The following CLDN23 variants were observed in gnomAD, a reference collection of about 807,000 sequenced individuals.
The protein encoded by CLDN23 is claudin 23.
Under a neutral mutation model 1.4 loss-of-function variants are expected in CLDN23, and 3 were observed. That is an observed-to-expected ratio of 2.10 (90% confidence interval 0.96 to 5.43). The LOEUF (loss-of-function observed/expected upper bound fraction) is 5.43. Among genes scored for constraint, CLDN23 ranks in the 30% most tolerant of loss-of-function variants. CLDN23 has a pLI of 0.02. For synonymous variants in CLDN23, 291 were observed against 209.9 expected, an observed-to-expected ratio of 1.39 and a Z score of -3.34; for missense variants, 597 against 433.5, an observed-to-expected ratio of 1.38 and a Z score of -3.35.
At position 8,703,331 on chromosome 8, in the gene CLDN23, G is replaced by C; in HGVS notation, c.*54G>C. On this transcript the variant is annotated 3_prime_UTR_variant, in exon 1 of 1. Coordinates refer to ENST00000519106, the MANE Select transcript of CLDN23 (RefSeq NM_194284.3). ...TGGCAAAGGACTCACCCCCGCACAG[G>C]CCCGCCTGGCTTCGAGTTGGAACCC... The C allele has an allele frequency of 7.7e-7, 1 of 1,304,470 alleles. No individual in the cohort carries two copies. Among genetic ancestry groups the C allele is most frequent in the Non-Finnish European group, 9.8e-7 (1 of 1,019,348 alleles). 80.8% of individuals were successfully genotyped at this position (1,304,470 alleles called of 1,614,324 possible).
rs1214840980 is a variant in CLDN23 at position 8,703,864 on chromosome 8, T to C, written c.*587T>C. The C allele has an allele frequency of 6.2e-6, 1 of 162,554 alleles. No homozygotes were observed. The highest frequency in any genetic ancestry group is 2.4e-5 in the African/African-American group (1 of 40,860). 10.1% of individuals were successfully genotyped at this position (162,554 alleles called of 1,614,324 possible). ...TACATATCATTGCATAAATGGGATT[T>C]ATCTTTTTTCTCACTTATTTTTGCG... On this transcript the variant is annotated 3_prime_UTR_variant, in exon 1 of 1. Transcript: ENST00000519106.
Position 8,702,490 on chromosome 8 carries a change from G to T in CLDN23, c.92G>T (p.Arg31Leu). The T allele has an allele frequency of 1.2e-6, 2 of 1,607,194 alleles. No individual in the cohort carries two copies. Among genetic ancestry groups the T allele is most frequent in the Non-Finnish European group, 1.7e-6 (2 of 1,177,956 alleles). ...NLTGTLAPGW[R>L]LVKGFLNQPV... ...ACCGGCACCCTGGCGCCCGGCTGGC[G>T]GCTGGTGAAGGGCTTCCTGAACCAG... The change falls in exon 1 of 1, where the codon CGG (arginine) becomes CTG (leucine). Residue 31 changes from arginine to leucine, a missense_variant. Physicochemically the swap from Arg to Leu is moderately radical, Grantham distance 102. Coordinates refer to ENST00000519106, the MANE Select transcript of CLDN23 (RefSeq NM_194284.3).
rs1435684782 is a variant in CLDN23 at position 8,703,411 on chromosome 8, A to G, written c.*134A>G. ...AAATCTGCCTTTCGTGGGACCAAACAGGACTCCTTGGACGATTAGTTCAGG... is the reference window on the plus strand; with the variant it reads ...AAATCTGCCTTTCGTGGGACCAAACGGGACTCCTTGGACGATTAGTTCAGG... On this transcript the variant is annotated 3_prime_UTR_variant, in exon 1 of 1. Transcript: ENST00000519106. 2.3e-6 allele frequency: 2 copies of G among 861,328 alleles called. No homozygotes were observed. The highest frequency in any genetic ancestry group is 3.3e-4 in the Middle Eastern group (1 of 3,066). 53.4% of individuals were successfully genotyped at this position (861,328 alleles called of 1,614,324 possible).
In CLDN23 at chr8:8,702,236, C is replaced by G; in HGVS notation, c.-163C>G. ...CCCGTGCAGGAGACAAAGAGCGTCC[C>G]TGGAGCGATCAGGGCTCAGGAGCCC... On this transcript the variant is annotated 5_prime_UTR_variant, in exon 1 of 1. Coordinates refer to ENST00000519106, the MANE Select transcript of CLDN23 (RefSeq NM_194284.3). 1 of 682,478 alleles carries G rather than the reference C, an allele frequency of 1.5e-6. No individual in the cohort carries two copies. Among genetic ancestry groups the G allele is most frequent in the Non-Finnish European group, 2.3e-6 (1 of 430,432 alleles). The allele number at this position is 682,478 out of a possible 1,614,324, so 42.3% of individuals were successfully genotyped here. A position where few individuals can be genotyped will look rare whatever the true frequency, so the allele number is the denominator to read the frequency against.
chr8:8,703,069 A>G lies in CLDN23; in HGVS notation c.671A>G (p.Tyr224Cys). 6.5e-7 allele frequency: 1 copy of G among 1,536,210 alleles called. No homozygotes were observed. Among genetic ancestry groups the G allele is most frequent in the African/African-American group, 1.4e-5 (1 of 71,954 alleles). Reference protein sequence around the residue: ...EPDLAPAIKYYSDGQHRPPPA... With the variant: ...EPDLAPAIKYCSDGQHRPPPA... ...GACCTGGCGCCCGCCATCAAGTACT[A>G]CAGCGACGGCCAGCACCGACCGCCG... is the stretch of plus-strand genomic sequence containing the variant. The change falls in exon 1 of 1, where the codon TAC (tyrosine) becomes TGC (cysteine). Residue 224 changes from tyrosine (Y) to cysteine (C), a missense_variant. Transcript: ENST00000519106.
At position 8,702,311 on chromosome 8, in the gene CLDN23, G is replaced by C; in HGVS notation, c.-88G>C. 4 of 1,396,376 alleles carry C rather than the reference G, an allele frequency of 2.9e-6. No individual in the cohort carries two copies. The highest frequency in any genetic ancestry group is 1.5e-5 in the South Asian group (1 of 65,256). 86.5% of individuals were successfully genotyped at this position (1,396,376 alleles called of 1,614,324 possible). A position where few individuals can be genotyped will look rare whatever the true frequency, so the allele number is the denominator to read the frequency against. ...CTGACTTCGGGTCCCCGGAGCCTGG[G>C]GCACGGCAGGGAGAAGACGACGGCG... On this transcript the variant is annotated 5_prime_UTR_variant, in exon 1 of 1. Coordinates refer to ENST00000519106, the MANE Select transcript of CLDN23 (RefSeq NM_194284.3).
rs1169887396 is a variant in CLDN23 at position 8,702,344 on chromosome 8, C to A, written c.-55C>A. ...AGGGAGAAGACGACGGCGGAGAAGG[C>A]GACAGCGGAGAAGGAAGGCAGGCTG... On this transcript the variant is annotated 5_prime_UTR_variant, in exon 1 of 1. Transcript: ENST00000519106. 3 of 1,461,040 alleles carry A rather than the reference C, an allele frequency of 2.1e-6. No individual in the cohort carries two copies. The highest frequency in any genetic ancestry group is 2.7e-6 in the Non-Finnish European group (3 of 1,111,848). The allele number at this position is 1,461,040 out of a possible 1,614,324, so 90.5% of individuals were successfully genotyped here.
chr8:8,703,250 C>T lies in CLDN23; in HGVS notation c.852C>T (p.Ser284=). Residue 284 remains serine, a synonymous_variant, in exon 1 of 1, where the codon AGC becomes AGT. Transcript: ENST00000519106. ...CGTGCAGCACCCACCCCTGCGACAGCTCGCTGCCCTGCGACTCCGACCTCT... is the reference window on the plus strand; with the variant it reads ...CGTGCAGCACCCACCCCTGCGACAGTTCGCTGCCCTGCGACTCCGACCTCT... ...APSCSTHPCD[S]SLPCDSDL is the part of the protein sequence containing the mutation. 1 of 1,410,722 alleles carries T rather than the reference C, an allele frequency of 7.1e-7. No homozygotes were observed. The allele number at this position is 1,410,722 out of a possible 1,614,324, so 87.4% of individuals were successfully genotyped here. A position where few individuals can be genotyped will look rare whatever the true frequency, so the allele number is the denominator to read the frequency against.
rs11249882 is a variant in CLDN23 at position 8,704,026 on chromosome 8, T to G, written c.*749T>G. 1 of 166,700 alleles carries G rather than the reference T, an allele frequency of 6.0e-6. No individual in the cohort carries two copies. The highest frequency in any genetic ancestry group is 1.5e-5 in the Non-Finnish European group (1 of 68,092). The allele number at this position is 166,700 out of a possible 1,614,324, so 10.3% of individuals were successfully genotyped here. ...TCTAGGTTTAACATTTTGTACAAAA[T>G]GGAACCTGTTAATCATATTAAAGCA... On this transcript the variant is annotated 3_prime_UTR_variant, in exon 1 of 1. Coordinates refer to ENST00000519106, the MANE Select transcript of CLDN23 (RefSeq NM_194284.3).
chr8:8,702,550 A>G lies in CLDN23; in HGVS notation c.152A>G (p.Asp51Gly), dbSNP rs1410833101. The change falls in exon 1 of 1, where the codon GAC (aspartate) becomes GGC (glycine). Residue 51 changes from aspartate to glycine, a missense_variant. Asp to Gly is a moderately conservative substitution (Grantham distance 94, BLOSUM62 -1). Coordinates refer to ENST00000519106, the MANE Select transcript of CLDN23 (RefSeq NM_194284.3). ...VDVELYQGLWDMCREQSSRER... is the reference protein window; with the variant it reads ...VDVELYQGLWGMCREQSSRER... ...GTGGAGTTGTACCAGGGCCTGTGGG[A>G]CATGTGTCGCGAGCAGAGCAGCCGC... 3 of 1,611,648 alleles carry G rather than the reference A, an allele frequency of 1.9e-6. No individual in the cohort carries two copies. The Admixed American group carries it at 5.0e-5, about 27-fold the overall frequency.
Position 8,703,080 on chromosome 8 carries a change from C to T in CLDN23, c.682C>T (p.Gln228Ter). 2.0e-6 allele frequency: 3 copies of T among 1,534,342 alleles called. No individual in the cohort carries two copies. The South Asian group carries it at 3.6e-5, about 19-fold the overall frequency. ...CGCCATCAAGTACTACAGCGACGGC[C>T]AGCACCGACCGCCGCCTGCCCAGCA... is the stretch of plus-strand genomic sequence containing the variant. ...APAIKYYSDG[Q>*]HRPPPAQHRK... Residue 228 changes from glutamine (Q) to a stop codon, truncating the protein, a stop_gained, in exon 1 of 1, where the codon CAG (glutamine) becomes TAG (stop). Transcript: ENST00000519106. LOFTEE classifies it low-confidence loss of function (END_TRUNC).
chr8:8,702,694 C>T lies in CLDN23; in HGVS notation c.296C>T (p.Ser99Leu), dbSNP rs1025574129. Reference sequence around the variant, plus strand: ...ACGGTCCTGGGGCTTCTGCTGGCGTCGCTGGGCGTGCGCTGCTGGCAGGAC... The same window carrying T: ...ACGGTCCTGGGGCTTCTGCTGGCGTTGCTGGGCGTGCGCTGCTGGCAGGAC... ...AATVLGLLLA[S>L]LGVRCWQDEP... The change falls in exon 1 of 1, where the codon TCG (serine) becomes TTG (leucine). Residue 99 changes from serine to leucine, a missense_variant. By Grantham distance (145) the Ser-to-Leu change is moderately radical. Transcript: ENST00000519106. The T allele has an allele frequency of 1.0e-5, 16 of 1,606,638 alleles. No homozygotes were observed. Among genetic ancestry groups the T allele is most frequent in the African/African-American group, 1.3e-5 (1 of 75,012 alleles).
At position 8,702,929 on chromosome 8, in the gene CLDN23, G is replaced by T; in HGVS notation, c.531G>T (p.Leu177=). 4.5e-6 allele frequency: 7 copies of T among 1,570,044 alleles called. No individual in the cohort carries two copies. The East Asian group carries it at 6.8e-5, about 15-fold the overall frequency. Residue 177 remains leucine (L), a synonymous_variant, in exon 1 of 1, where the codon CTG becomes CTT. Coordinates refer to ENST00000519106, the MANE Select transcript of CLDN23 (RefSeq NM_194284.3). ...SCLLLLGGFS[L]ALSFAPWCDE... is the part of the protein sequence containing the mutation. ...TCCTGCTGCTGGGCGGCTTCTCGCT[G>T]GCGCTCAGCTTCGCGCCCTGGTGCG...
chr8:8,702,575 C>G lies in CLDN23; in HGVS notation c.177C>G (p.Arg59=). The G allele has an allele frequency of 6.2e-7, 1 of 1,610,008 alleles. No homozygotes were observed. Among genetic ancestry groups the G allele is most frequent in the Non-Finnish European group, 8.5e-7 (1 of 1,178,110 alleles). ...ACATGTGTCGCGAGCAGAGCAGCCGCGAGCGCGAGTGCGGCCAGACGGACC... is the reference window on the plus strand; with the variant it reads ...ACATGTGTCGCGAGCAGAGCAGCCGGGAGCGCGAGTGCGGCCAGACGGACC... ...LWDMCREQSS[R]ERECGQTDQW... Residue 59 remains arginine (R), a synonymous_variant, in exon 1 of 1, where the codon CGC becomes CGG. Coordinates refer to ENST00000519106, the MANE Select transcript of CLDN23 (RefSeq NM_194284.3).
chr8:8,702,067 T>G lies in CLDN23; in HGVS notation c.-332T>G. The stretch of plus-strand genomic sequence containing the variant: ...CGGGTCCCTCCCTCCCGGGCCAGGT[T>G]TGGCCGCGGCAGCCGCCCCTGGGCG... On this transcript the variant is annotated 5_prime_UTR_variant, in exon 1 of 1. Coordinates refer to ENST00000519106, the MANE Select transcript of CLDN23 (RefSeq NM_194284.3). 2 of 220,248 alleles carry G rather than the reference T, an allele frequency of 9.1e-6. No homozygotes were observed. Among genetic ancestry groups the G allele is most frequent in the Non-Finnish European group, 1.8e-5 (2 of 112,914 alleles). The allele number at this position is 220,248 out of a possible 1,614,324, so 13.6% of individuals were successfully genotyped here. A position where few individuals can be genotyped will look rare whatever the true frequency, so the allele number is the denominator to read the frequency against.
In CLDN23 at chr8:8,702,359, A is replaced by C. The variant is rs114568694; in HGVS notation, c.-40A>C. ...GCGGAGAAGGCGACAGCGGAGAAGGAAGGCAGGCTGCAGGGGCGCCGTCGG... is the reference window on the plus strand; with the variant it reads ...GCGGAGAAGGCGACAGCGGAGAAGGCAGGCAGGCTGCAGGGGCGCCGTCGG... On this transcript the variant is annotated 5_prime_UTR_variant, in exon 1 of 1. Transcript: ENST00000519106. The C allele has an allele frequency of 1.3e-3, 1,866 of 1,476,352 alleles. 15 individuals carry two copies. The African/African-American group carries it at 0.023, about 18-fold the overall frequency. 91.5% of individuals were successfully genotyped at this position (1,476,352 alleles called of 1,614,324 possible). A position where few individuals can be genotyped will look rare whatever the true frequency, so the allele number is the denominator to read the frequency against.
chr8:8,702,572 C>A lies in CLDN23; in HGVS notation c.174C>A (p.Ser58Arg). 1 of 1,610,252 alleles carries A rather than the reference C, an allele frequency of 6.2e-7. No homozygotes were observed. The highest frequency in any genetic ancestry group is 8.5e-7 in the Non-Finnish European group (1 of 1,178,254). The change falls in exon 1 of 1, where the codon AGC becomes AGA. Residue 58 changes from serine to arginine, a missense_variant. Physicochemically the swap from Ser to Arg is moderately radical, Grantham distance 110. Coordinates refer to ENST00000519106, the MANE Select transcript of CLDN23 (RefSeq NM_194284.3). ...GGGACATGTGTCGCGAGCAGAGCAGCCGCGAGCGCGAGTGCGGCCAGACGG... is the reference window on the plus strand; with the variant it reads ...GGGACATGTGTCGCGAGCAGAGCAGACGCGAGCGCGAGTGCGGCCAGACGG... ...GLWDMCREQS[S>R]RERECGQTDQ...
Position 8,703,174 on chromosome 8 carries a change from A to G in CLDN23, c.776A>G (p.Asn259Ser), listed in dbSNP as rs766972353. 4.0e-5 allele frequency: 61 copies of G among 1,510,584 alleles called. No individual in the cohort carries two copies. The highest frequency in any genetic ancestry group is 2.6e-5 in the East Asian group (1 of 38,808). The allele number at this position is 1,510,584 out of a possible 1,614,324, so 93.6% of individuals were successfully genotyped here. Residue 259 changes from asparagine (N) to serine (S), a missense_variant, in exon 1 of 1, where the codon AAC becomes AGC. Transcript: ENST00000519106. Reference protein sequence around the residue: ...MPRPRPKAYTNSVDVLDGEGW... With the variant: ...MPRPRPKAYTSSVDVLDGEGW... ...CGGCCGCGGCCCAAGGCCTACACCAACTCGGTGGACGTCCTCGACGGGGAG... is the reference window on the plus strand; with the variant it reads ...CGGCCGCGGCCCAAGGCCTACACCAGCTCGGTGGACGTCCTCGACGGGGAG...
rs1802746703 is a variant in CLDN23, at chr8:8,702,336, G to A, written c.-63G>A. 2.8e-6 allele frequency: 4 copies of A among 1,452,854 alleles called. No individual in the cohort carries two copies. The highest frequency in any genetic ancestry group is 2.9e-5 in the South Asian group (2 of 69,232). 90.0% of individuals were successfully genotyped at this position (1,452,854 alleles called of 1,614,324 possible). A position where few individuals can be genotyped will look rare whatever the true frequency, so the allele number is the denominator to read the frequency against. ...GGCACGGCAGGGAGAAGACGACGGC[G>A]GAGAAGGCGACAGCGGAGAAGGAAG... is the stretch of plus-strand genomic sequence containing the variant. On this transcript the variant is annotated 5_prime_UTR_variant, in exon 1 of 1. Coordinates refer to ENST00000519106, the MANE Select transcript of CLDN23 (RefSeq NM_194284.3).
Sources: allele counts gnomAD v4.1 joint callset, GRCh38; gene constraint gnomAD v4.1.1; transcripts MANE v1.5; gene names NCBI Gene and HGNC (gene_info 2026-07-23, HGNC 2026-07-21).